Variants in OR9Q1 observed in about 807,000 individuals in gnomAD.
The protein encoded by OR9Q1 is olfactory receptor family 9 subfamily Q member 1.
For missense variants in OR9Q1, 374 were observed against 378.8 expected (o/e 0.99, Z 0.11); for synonymous variants, 153 against 148.6 (o/e 1.03, Z -0.22).
chr11:58,132,045 T>C (rs1247946100), intron 2 of OR9Q1, among the ~76,000 whole-genome samples: 2 of 152,168 alleles, frequency 1.3e-5, no homozygotes. Flanking sequence ...ATATGTATCA[T>C]CTTCTTCAAC....
chr11:58,093,210 T>G (rs532879037), intron 2 of OR9Q1, among the ~76,000 whole-genome samples: 406 of 152,294 alleles, frequency 2.7e-3, no homozygotes, highest in Admixed American at 5.7e-3. Flanking sequence ...AAATATTTTT[T>G]ATCATGATGT....
intron 2 of OR9Q1, among the ~76,000 whole-genome samples, chr11:58,110,298 A>G (rs1853886858): frequency 6.6e-6 from 1 of 152,136 alleles, no homozygotes; most frequent in Non-Finnish European, 1.5e-5. Context: ...GCCCACTTTT[A>G]TATAGTTTCT....
At chr11:58,170,223 T>C (rs1220283320) in intron 2 of OR9Q1, among the ~76,000 whole-genome samples, 1 of 152,068 alleles carries the variant, frequency 6.6e-6, no homozygotes, top group African/African-American at 2.4e-5. Context: ...ACCCCCTCAC[T>C]CAGGTTTGGG....
chr11:58,176,362 T>C (rs1012664305), intron 2 of OR9Q1, among the ~76,000 whole-genome samples: 2 of 152,256 alleles, frequency 1.3e-5, no homozygotes, highest in African/African-American at 4.8e-5. Flanking sequence ...TCTCCTCCTA[T>C]GTAGGTGCCT....
At position 58,135,607 on chromosome 11, in the gene OR9Q1, C is replaced by T. The variant is rs144690212; in HGVS notation, c.-14-43824C>T. On this transcript the variant is annotated intron_variant, in intron 2 of 2. Transcript: ENST00000335397. ...TAGTTCTATATATTTGTCACTACAT[C>T]CACAGTGTCCAGAATAGTGCCTGGC... 8.5e-5 allele frequency among the ~76,000 whole-genome samples: 13 copies of T among 152,290 alleles called. No individual in the cohort carries two copies. In the East Asian group the frequency reaches 2.3e-3, roughly 27 times the overall value.
At chr11:58,148,048 A>G (rs1854315937) in intron 2 of OR9Q1, among the ~76,000 whole-genome samples, 1 of 152,182 alleles carries the variant, frequency 6.6e-6, no homozygotes, top group South Asian at 2.1e-4. Flanking sequence ...GATATTGGAA[A>G]GATGAAGAAA....
intron 2 of OR9Q1, among the ~76,000 whole-genome samples, chr11:58,133,889 C>T (rs924949092): frequency 6.0e-5 from 9 of 150,216 alleles, no homozygotes; most frequent in African/African-American, 2.2e-4. Flanking sequence ...GTTCAGTTCT[C>T]ATAGGTGTAA....
chr11:58,026,197 C>G (rs567825004), intron 1 of OR9Q1, among the ~76,000 whole-genome samples: 8 of 152,332 alleles, frequency 5.3e-5, no homozygotes, highest in African/African-American at 1.9e-4. Flanking sequence ...GCCTAGAACT[C>G]AGGGTCTCCT....
rs1466244004 is a variant in OR9Q1, at chr11:58,119,496, TC to T, written c.-14-59934del. 4 of 1,212,516 alleles carry T rather than the reference TC, an allele frequency of 3.3e-6. No individual in the cohort carries two copies. In the Admixed American group the frequency reaches 8.9e-5, roughly 27 times the overall value. The allele number at this position is 1,212,516 out of a possible 1,614,324, so 75.1% of individuals were successfully genotyped here. Reference sequence around the variant, plus strand: ...GGATGATAATGAAATAAAAAGAATCTCAGAATTGAAGGACAGAATCTTTCCC... The same window carrying T: ...GGATGATAATGAAATAAAAAGAATCTAGAATTGAAGGACAGAATCTTTCCC... On this transcript the variant is annotated intron_variant, in intron 2 of 2. Transcript: ENST00000335397.
chr11:58,161,699 T>G (rs2119925193), intron 2 of OR9Q1, among the ~76,000 whole-genome samples: 1 of 152,130 alleles, frequency 6.6e-6, no homozygotes, highest in South Asian at 2.1e-4. Flanking sequence ...GCCTGGCTAA[T>G]TTTTGTATTT....
chr11:58,067,212 G>A (rs1399766902), intron 2 of OR9Q1, among the ~76,000 whole-genome samples: 1 of 151,780 alleles, frequency 6.6e-6, no homozygotes, highest in Non-Finnish European at 1.5e-5. Context: ...TTTTGTGTGT[G>A]TTTTTAGTAG....
At chr11:58,101,982 G>A (rs1853788215) in intron 2 of OR9Q1, among the ~76,000 whole-genome samples, 1 of 152,108 alleles carries the variant, frequency 6.6e-6, no homozygotes, top group South Asian at 2.1e-4. Flanking sequence ...CCCACCTCAG[G>A]TGATCCACCC....
At position 58,180,530 on chromosome 11, in the gene OR9Q1, A is replaced by G. The variant is rs1324556946; in HGVS notation, c.*153A>G. On this transcript the variant is annotated 3_prime_UTR_variant, in exon 3 of 3. Transcript: ENST00000335397. Reference sequence around the variant, plus strand: ...AGAACTTTTAGCTCCAGGGAGAGGAAGGAAGACAAGGAAAAGTCAACCTGA... The same window carrying G: ...AGAACTTTTAGCTCCAGGGAGAGGAGGGAAGACAAGGAAAAGTCAACCTGA... 1 of 481,900 alleles carries G rather than the reference A, an allele frequency of 2.1e-6. No individual in the cohort carries two copies. The highest frequency in any genetic ancestry group is 3.7e-6 in the Non-Finnish European group (1 of 269,756). 29.9% of individuals were successfully genotyped at this position (481,900 alleles called of 1,614,324 possible).
rs550206755 is a variant in OR9Q1, at chr11:58,100,886, A to G, written c.-15+44939A>G. On this transcript the variant is annotated intron_variant, in intron 2 of 2. Coordinates refer to ENST00000335397, the MANE Select transcript of OR9Q1 (RefSeq NM_001005212.4). ...GCAGCAGCATGGATGGAACTGGAGA[A>G]CGTTGTGTCAAGTGAAATAAGCCAG... is the stretch of plus-strand genomic sequence containing the variant. Among the ~76,000 whole-genome samples, 7 of 152,210 alleles carry G rather than the reference A, an allele frequency of 4.6e-5. No individual in the cohort carries two copies. The East Asian group carries it at 1.4e-3, about 29-fold the overall frequency.
chr11:58,123,690 AAT>A (rs1405522749), intron 2 of OR9Q1, among the ~76,000 whole-genome samples: 1 of 152,170 alleles, frequency 6.6e-6, no homozygotes, highest in East Asian at 1.9e-4. Flanking sequence ...AGGACATTCT[AAT>A]TCCAAATTCT....
In OR9Q1 at chr11:58,091,313, G is replaced by A. The variant is rs115025504; in HGVS notation, c.-15+35366G>A. On this transcript the variant is annotated intron_variant, in intron 2 of 2. Coordinates refer to ENST00000335397, the MANE Select transcript of OR9Q1 (RefSeq NM_001005212.4). ...TAAATTCGCTTCTTAACACTAATTT[G>A]GCTGTGTTCCAGAGATTCTGGTATG... 8.5e-3 allele frequency among the ~76,000 whole-genome samples: 1,290 copies of A among 152,132 alleles called. 17 individuals carry two copies. The highest frequency in any genetic ancestry group is 0.029 in the African/African-American group (1,209 of 41,508).
At chr11:58,140,781 G>T (rs2119867119) in intron 2 of OR9Q1, among the ~76,000 whole-genome samples, 1 of 152,198 alleles carries the variant, frequency 6.6e-6, no homozygotes, top group South Asian at 2.1e-4. Flanking sequence ...CTGTTTTTTG[G>T]TTCCATATGA....
At position 58,053,287 on chromosome 11, in the gene OR9Q1, T is replaced by C. The variant is rs528959823; in HGVS notation, c.-92-2583T>C. Among the ~76,000 whole-genome samples the C allele has an allele frequency of 2.2e-4, 34 of 151,980 alleles. 2 individuals carry two copies. In the South Asian group the frequency reaches 6.7e-3, roughly 30 times the overall value. On this transcript the variant is annotated intron_variant, in intron 1 of 2. Coordinates refer to ENST00000335397, the MANE Select transcript of OR9Q1 (RefSeq NM_001005212.4). ...GTAGCCATAAAAAATGATGAGTTCA[T>C]GTACTTTGCAGGGACATGGATGAAA... is the stretch of plus-strand genomic sequence containing the variant.
chr11:58,131,229 C>T (rs944774543), intron 2 of OR9Q1, among the ~76,000 whole-genome samples: 2 of 152,120 alleles, frequency 1.3e-5, no homozygotes, highest in Non-Finnish European at 2.9e-5. Context: ...AAATTATTCT[C>T]AGCTGGCCTG....
Sources: gnomAD v4.1 joint callset for allele counts (sites outside exome capture counted in the v4.1 genomes callset) on GRCh38, gnomAD v4.1.1 for gene constraint, MANE v1.5 for transcripts, NCBI Gene and HGNC (gene_info 2026-07-23, HGNC 2026-07-21) for gene names.